The following GALNT18 variants were observed in gnomAD, a reference collection of about 807,000 sequenced individuals.
GALNT18 encodes the protein GalNAc-transferase 18.
Under a neutral mutation model 69.5 loss-of-function variants are expected in GALNT18, and 44 were observed. That is an observed-to-expected ratio of 0.63 (90% CI 0.50 to 0.81). GALNT18 has a LOEUF of 0.81. GALNT18 is among the 40% of genes least tolerant of loss of function. The pLI, the probability that GALNT18 is intolerant of heterozygous loss-of-function variation, is 0.00. For synonymous variants in GALNT18, 364 were observed against 318.2 expected (o/e 1.14, Z -1.53); for missense variants, 715 against 810.0 (o/e 0.88, Z 1.42).
intron 6 of GALNT18, among the ~76,000 whole-genome samples, chr11:11,353,603 C>T (rs1233882923): frequency 6.6e-6 from 1 of 152,110 alleles, no homozygotes; most frequent in African/African-American, 2.4e-5. Flanking sequence ...TTTCTTTCCT[C>T]TCTCTGAAGC....
In GALNT18 at chr11:11,271,334, A is replaced by G. The variant is rs780507824; in HGVS notation, c.1678-44T>C. The G allele has an allele frequency of 4.5e-5, 71 of 1,589,112 alleles. No individual in the cohort carries two copies. In the East Asian group the frequency reaches 1.0e-3, roughly 23 times the overall value. On this transcript the variant is annotated intron_variant, in intron 10 of 10. Transcript: ENST00000227756. ...AGTGGGGTCAGAGGGCATAGAGGCA[A>G]CATGCAGAAATTCGGGAGCCTCAGG...
In GALNT18 at chr11:11,521,823, G is replaced by A. The variant is rs549631327; in HGVS notation, c.236-72887C>T. ...TTTGGCCAGGAAAGGAAGCCAACACGCACTTCACCATAGAGTCCCAGGGCA... is the reference window on the plus strand; with the variant it reads ...TTTGGCCAGGAAAGGAAGCCAACACACACTTCACCATAGAGTCCCAGGGCA... On this transcript the variant is annotated intron_variant, in intron 1 of 10. Coordinates refer to ENST00000227756, the MANE Select transcript of GALNT18 (RefSeq NM_198516.3). Among the ~76,000 whole-genome samples the A allele has an allele frequency of 3.9e-5, 6 of 152,270 alleles. No homozygotes were observed. In the East Asian group the frequency reaches 9.7e-4, roughly 25 times the overall value.
intron 6 of GALNT18, among the ~76,000 whole-genome samples, chr11:11,346,990 C>T (rs1438902649): frequency 3.3e-5 from 5 of 152,122 alleles, no homozygotes; most frequent in African/African-American, 1.2e-4. Context: ...ATGACAAGCT[C>T]CCACGAGCAA....
At position 11,402,435 on chromosome 11, in the gene GALNT18, G is replaced by A. The variant is rs1403905864; in HGVS notation, c.596-23171C>T. ...CTTATTGAACCAGGCTTTGATGGTG[G>A]GTGGCTTCCTCTGATCTGCTGCCAT... On this transcript the variant is annotated intron_variant, in intron 3 of 10. Coordinates refer to ENST00000227756, the MANE Select transcript of GALNT18 (RefSeq NM_198516.3). The surrounding 1 kb of genome is among the most constrained non-coding windows in gnomAD (Gnocchi z 4.0). 3.3e-5 allele frequency among the ~76,000 whole-genome samples: 5 copies of A among 152,186 alleles called. No individual in the cohort carries two copies. The highest frequency in any genetic ancestry group is 1.2e-4 in the African/African-American group (5 of 41,436).
chr11:11,343,883 C>T (rs144326026), intron 6 of GALNT18, among the ~76,000 whole-genome samples: 33 of 152,300 alleles, frequency 2.2e-4, no homozygotes, highest in African/African-American at 7.2e-4. Context: ...CTCCTCCCAT[C>T]GTGCCTTTAG....
intron 1 of GALNT18, among the ~76,000 whole-genome samples, chr11:11,545,257 G>A (rs564922871): frequency 1.3e-5 from 2 of 152,356 alleles, no homozygotes; most frequent in South Asian, 4.1e-4. Context: ...CTTTGAATGC[G>A]CTTTCATAAA....
intron 5 of GALNT18, among the ~76,000 whole-genome samples, chr11:11,376,499 C>CA (rs1455580710): frequency 6.6e-6 from 1 of 152,210 alleles, no homozygotes; most frequent in Non-Finnish European, 1.5e-5. Context: ...AGGAAGATGG[C>CA]AGCAAAGGCA....
chr11:11,403,291 TG>T (rs1854508332), intron 3 of GALNT18, among the ~76,000 whole-genome samples: 1 of 152,182 alleles, frequency 6.6e-6, no homozygotes, highest in Admixed American at 6.5e-5. Flanking sequence ...TCTCCTGGCA[TG>T]GGGAACTCAC....
chr11:11,481,313 C>A (rs1449458547), intron 1 of GALNT18, among the ~76,000 whole-genome samples: 1 of 152,154 alleles, frequency 6.6e-6, no homozygotes, highest in South Asian at 2.1e-4. Flanking sequence ...AATCCCTCCT[C>A]GCTGGTCTTA....
chr11:11,504,737 G>A lies in GALNT18; in HGVS notation c.236-55801C>T, dbSNP rs116167136. On this transcript the variant is annotated intron_variant, in intron 1 of 10. Transcript: ENST00000227756. ...CATGCCACTGCACTTTGGCCTGGGT[G>A]ACAGAGCAAGACCCCATCTCAAAAT... Among the ~76,000 whole-genome samples the A allele has an allele frequency of 5.2e-3, 763 of 147,756 alleles. 11 individuals are homozygous for A. The highest frequency in any genetic ancestry group is 0.015 in the African/African-American group (599 of 39,954).
chr11:11,448,701 C>T, intron 2 of GALNT18, 43 bp downstream of exon 2: 1 of 1,549,688 alleles, frequency 6.5e-7, no homozygotes, highest in South Asian at 1.2e-5. Flanking sequence ...CCCCATCTCC[C>T]CATAGGCAGG....
chr11:11,621,959 C>T lies in GALNT18; in HGVS notation c.-366G>A. 5.7e-6 allele frequency: 1 copy of T among 175,948 alleles called. No individual in the cohort carries two copies. The highest frequency in any genetic ancestry group is 1.2e-5 in the Non-Finnish European group (1 of 84,090). 10.9% of individuals were successfully genotyped at this position (175,948 alleles called of 1,614,324 possible). A position where few individuals can be genotyped will look rare whatever the true frequency, so the allele number is the denominator to read the frequency against. ...GCCACGCCGCTTCCCATCGCCAGCGCCGGCTGCCTTGGCGGTCCGACCGGC... is the reference window on the plus strand; with the variant it reads ...GCCACGCCGCTTCCCATCGCCAGCGTCGGCTGCCTTGGCGGTCCGACCGGC... On this transcript the variant is annotated 5_prime_UTR_variant, in exon 1 of 11. Coordinates refer to ENST00000227756, the MANE Select transcript of GALNT18 (RefSeq NM_198516.3). The surrounding 1 kb of genome is among the most constrained non-coding windows in gnomAD (Gnocchi z 9.3).
intron 1 of GALNT18, among the ~76,000 whole-genome samples, chr11:11,452,972 G>A (rs1347247767): frequency 1.3e-5 from 2 of 152,226 alleles, no homozygotes; most frequent in African/African-American, 4.8e-5. Flanking sequence ...CAAAGCCAGA[G>A]AGTGTGAAGG....
Position 11,339,553 on chromosome 11 carries a change from T to TG in GALNT18, c.1278+1265_1278+1266insC. ...CATCACAGGACACCTACCACAGGGCTTGGCACCCCGTGCAGAATACCGTGA... is the reference window on the plus strand; with the variant it reads ...CATCACAGGACACCTACCACAGGGCTGTGGCACCCCGTGCAGAATACCGTGA... On this transcript the variant is annotated intron_variant, in intron 7 of 10. Coordinates refer to ENST00000227756, the MANE Select transcript of GALNT18 (RefSeq NM_198516.3). This position sits in a 1 kb window ranked among gnomAD's most constrained non-coding sequence, Gnocchi z 5.2. Among the ~76,000 whole-genome samples, 1 of 152,182 alleles carries TG rather than the reference T, an allele frequency of 6.6e-6. No homozygotes were observed. Among genetic ancestry groups the TG allele is most frequent in the Non-Finnish European group, 1.5e-5 (1 of 68,042 alleles).
rs539948909 is a variant in GALNT18, at chr11:11,421,081, C to T, written c.595+11540G>A. 2.0e-5 allele frequency among the ~76,000 whole-genome samples: 3 copies of T among 152,270 alleles called. No homozygotes were observed. The highest frequency in any genetic ancestry group is 3.9e-4 in the East Asian group (2 of 5,184). On this transcript the variant is annotated intron_variant, in intron 3 of 10. Coordinates refer to ENST00000227756, the MANE Select transcript of GALNT18 (RefSeq NM_198516.3). The surrounding 1 kb of genome is among the most constrained non-coding windows in gnomAD (Gnocchi z 5.6). The stretch of plus-strand genomic sequence containing the variant: ...CTTTGCCCTCCCAGGTGCTGTCCTT[C>T]GTCAGCAGGGTAGCATGCTGGGGAG...
At chr11:11,276,426 G>C (rs1039969455) in intron 10 of GALNT18, among the ~76,000 whole-genome samples, 1 of 152,110 alleles carries the variant, frequency 6.6e-6, no homozygotes, top group Non-Finnish European at 1.5e-5. Flanking sequence ...AGGAGATTTG[G>C]GGCTGAGACA....
intron 6 of GALNT18, among the ~76,000 whole-genome samples, chr11:11,351,686 C>T (rs1850406135): frequency 6.6e-6 from 1 of 152,196 alleles, no homozygotes; most frequent in Non-Finnish European, 1.5e-5. Context: ...GGATCTCTGG[C>T]CCCCATTACT....
intron 9 of GALNT18, among the ~76,000 whole-genome samples, chr11:11,307,840 C>T (rs533463061): frequency 2.9e-4 from 44 of 152,290 alleles, no homozygotes; most frequent in South Asian, 8.3e-4. Flanking sequence ...CCATACAGCC[C>T]TGATGGTCCT....
intron 8 of GALNT18, among the ~76,000 whole-genome samples, chr11:11,327,920 C>T (rs1177775003): frequency 6.6e-6 from 1 of 152,200 alleles, no homozygotes; most frequent in East Asian, 1.9e-4. Context: ...TGGTGGGCAC[C>T]AACCCACGCT....
Sources: allele counts gnomAD v4.1 joint callset (sites outside exome capture counted in the v4.1 genomes callset), GRCh38; gene constraint gnomAD v4.1.1; non-coding constraint Gnocchi (gnomAD v3.1); transcripts MANE v1.5; gene names NCBI Gene and HGNC (gene_info 2026-07-23, HGNC 2026-07-21).